Variants in LAMP1 observed in about 807,000 individuals in gnomAD.
LAMP1 encodes lysosome-associated membrane glycoprotein 1.
In LAMP1, 7 loss-of-function variants were observed where a neutral mutation model predicts 37.5. That is an observed-to-expected ratio of 0.19 (90% CI 0.11 to 0.35). The LOEUF (loss-of-function observed/expected upper bound fraction) is 0.35, where lower values mean the gene tolerates loss of function less well. LAMP1 is among the 10% of genes least tolerant of loss of function. LAMP1 has a pLI of 1.00. For missense variants in LAMP1, 537 were observed against 552.8 expected (o/e 0.97, Z 0.29); for synonymous variants, 236 against 229.1 (o/e 1.03, Z -0.27).
chr13:113,322,787 TC>T lies in LAMP1; in HGVS notation c.*367del, dbSNP rs1188258806. The T allele has an allele frequency of 4.9e-5, 2 of 40,812 alleles. No homozygotes were observed. The highest frequency in any genetic ancestry group is 7.4e-5 in the Non-Finnish European group (2 of 26,876). The allele number at this position is 40,812 out of a possible 1,614,324, so 2.5% of individuals were successfully genotyped here. A position where few individuals can be genotyped will look rare whatever the true frequency, so the allele number is the denominator to read the frequency against. On this transcript the variant is annotated 3_prime_UTR_variant, in exon 9 of 9. Transcript: ENST00000332556. ...CTCTGAGGGGGTGGGGGTGCCGCTT[TC>T]TCTGAGGGGGTGGGGGTGCCGCTCT... is the stretch of plus-strand genomic sequence containing the variant.
rs955684556 is a variant in LAMP1 at position 113,323,324 on chromosome 13, C to G, written c.*903C>G. 2.0e-5 allele frequency: 3 copies of G among 152,028 alleles called. No individual in the cohort carries two copies. Among genetic ancestry groups the G allele is most frequent in the African/African-American group, 7.3e-5 (3 of 41,354 alleles). 9.4% of individuals were successfully genotyped at this position (152,028 alleles called of 1,614,324 possible). Reference sequence around the variant, plus strand: ...TTCTGCGCTGTGTACAATGTGAGATCGGTGCGTTCTCCTGATGTTTTGCCG... The same window carrying G: ...TTCTGCGCTGTGTACAATGTGAGATGGGTGCGTTCTCCTGATGTTTTGCCG... On this transcript the variant is annotated 3_prime_UTR_variant, in exon 9 of 9. Transcript: ENST00000332556.
Position 113,320,391 on chromosome 13 carries a change from G to A in LAMP1, c.797G>A (p.Ser266Asn). 6.2e-7 allele frequency: 1 copy of A among 1,613,522 alleles called. No individual in the cohort carries two copies. Among genetic ancestry groups the A allele is most frequent in the Non-Finnish European group, 8.5e-7 (1 of 1,180,016 alleles). ...LNINPNKTSA[S>N]GSCGAHLVTL... ...ATCAACCCCAACAAGACCTCGGCCA[G>A]CGGGAGCTGCGGCGCCCACCTGGTG... The change falls in exon 6 of 9, where the codon AGC (serine) becomes AAC (asparagine). Residue 266 changes from serine (S) to asparagine (N), a missense_variant. Physicochemically the swap from Ser to Asn is conservative, Grantham distance 46. Transcript: ENST00000332556. The surrounding 1 kb of genome is among the most constrained non-coding windows in gnomAD (Gnocchi z 4.4).
intron 1 of LAMP1, among the ~76,000 whole-genome samples, chr13:113,299,273 A>G (rs994150080): frequency 2.8e-5 from 4 of 142,964 alleles, no homozygotes; most frequent in African/African-American, 1.2e-4. Flanking sequence ...TACAATCTTA[A>G]CTTTTTTTTT....
intron 1 of LAMP1, among the ~76,000 whole-genome samples, chr13:113,301,387 G>A (rs1191454134): frequency 3.9e-5 from 6 of 151,930 alleles, no homozygotes; most frequent in Admixed American, 2.0e-4. Context: ...TTGGGAGGCC[G>A]AGGTGGGTGG....
chr13:113,309,356 C>T (rs1306294473), intron 2 of LAMP1, among the ~76,000 whole-genome samples: 1 of 152,194 alleles, frequency 6.6e-6, no homozygotes, highest in Non-Finnish European at 1.5e-5. Flanking sequence ...CCACCTCAGC[C>T]TCCCAGAGTG....
intron 2 of LAMP1, among the ~76,000 whole-genome samples, chr13:113,308,038 G>A (rs537270742): frequency 1.1e-4 from 17 of 150,544 alleles, no homozygotes; most frequent in African/African-American, 4.2e-4. Context: ...CTGAGACAGA[G>A]TTGCACTCTG....
Position 113,322,341 on chromosome 13 carries a change from C to A in LAMP1, c.1174C>A (p.Leu392Met). The A allele has an allele frequency of 6.2e-7, 1 of 1,607,576 alleles. No individual in the cohort carries two copies. ...GATCCCCATCGCTGTGGGTGGTGCC[C>A]TGGCGGGGCTGGTCCTCATCGTCCT... is the stretch of plus-strand genomic sequence containing the variant. ...MLIPIAVGGA[L>M]AGLVLIVLIA... is the part of the protein sequence containing the mutation. Residue 392 changes from leucine to methionine, a missense_variant, in exon 9 of 9, where the codon CTG (leucine) becomes ATG (methionine). Coordinates refer to ENST00000332556, the MANE Select transcript of LAMP1 (RefSeq NM_005561.4).
chr13:113,297,563 G>A lies in LAMP1; in HGVS notation c.61+68G>A. The A allele has an allele frequency of 8.3e-7, 1 of 1,199,114 alleles. No homozygotes were observed. Among genetic ancestry groups the A allele is most frequent in the Non-Finnish European group, 1.0e-6 (1 of 964,018 alleles). 74.3% of individuals were successfully genotyped at this position (1,199,114 alleles called of 1,614,324 possible). On this transcript the variant is annotated intron_variant, in intron 1 of 8. Transcript: ENST00000332556. This position sits in a 1 kb window ranked among gnomAD's most constrained non-coding sequence, Gnocchi z 4.4. ...GGAGCCGAGGTCCCTGGGTCTTGAG[G>A]GCGGGGGACTGCCGGGTCGTTGTCC...
intron 2 of LAMP1, among the ~76,000 whole-genome samples, chr13:113,306,834 CT>C (rs780041684): frequency 0.022 from 1,765 of 79,974 alleles, 12 homozygotes; most frequent in African/African-American, 0.082. Context: ...GAACATTTTC[CT>C]TTTTTTTTTT....
In LAMP1 at chr13:113,297,609, C is replaced by T. The variant is rs1209398047; in HGVS notation, c.61+114C>T. The T allele has an allele frequency of 7.9e-5, 79 of 994,346 alleles. No individual in the cohort carries two copies. The highest frequency in any genetic ancestry group is 9.4e-5 in the Non-Finnish European group (74 of 789,806). The allele number at this position is 994,346 out of a possible 1,614,324, so 61.6% of individuals were successfully genotyped here. On this transcript the variant is annotated intron_variant, in intron 1 of 8. Coordinates refer to ENST00000332556, the MANE Select transcript of LAMP1 (RefSeq NM_005561.4). This position sits in a 1 kb window ranked among gnomAD's most constrained non-coding sequence, Gnocchi z 4.4. ...TGTCCCGCGGGTCGCCCCGCACCCA[C>T]TGCTCCTGGTCCCGGCCGGCTCTGC...
intron 1 of LAMP1, chr13:113,304,977 A>G (rs571689394): frequency 1.3e-5 from 2 of 152,332 alleles, no homozygotes; most frequent in East Asian, 1.9e-4. Flanking sequence ...CTTTATGGAC[A>G]TAGATTTTGG....
intron 4 of LAMP1, among the ~76,000 whole-genome samples, chr13:113,311,237 A>G (rs2042629696): frequency 6.6e-6 from 1 of 152,200 alleles, no homozygotes; most frequent in South Asian, 2.1e-4. Flanking sequence ...TCCGGAAGAC[A>G]GGAGGAATTA....
At position 113,320,162 on chromosome 13, in the gene LAMP1, A is replaced by T. The variant is rs932313952; in HGVS notation, c.751-183A>T. On this transcript the variant is annotated intron_variant, in intron 5 of 8. Coordinates refer to ENST00000332556, the MANE Select transcript of LAMP1 (RefSeq NM_005561.4). The surrounding 1 kb of genome is among the most constrained non-coding windows in gnomAD (Gnocchi z 4.4). ...ACGCTGCACTCCAAGAGCAGCTGTCACGGGGTCAGGGAGAGTCATCTTGGG... is the reference window on the plus strand; with the variant it reads ...ACGCTGCACTCCAAGAGCAGCTGTCTCGGGGTCAGGGAGAGTCATCTTGGG... Among the ~76,000 whole-genome samples, 2 of 152,144 alleles carry T rather than the reference A, an allele frequency of 1.3e-5. No individual in the cohort carries two copies. Among genetic ancestry groups the T allele is most frequent in the African/African-American group, 4.8e-5 (2 of 41,444 alleles).
At chr13:113,319,100 T>C (rs1013686428) in intron 4 of LAMP1, among the ~76,000 whole-genome samples, 37 of 152,242 alleles carry the variant, frequency 2.4e-4, no homozygotes, top group African/African-American at 8.7e-4. Context: ...CACTCCTTCG[T>C]GACAGCGTTC....
rs2042690483 is a variant in LAMP1, at chr13:113,320,274, G to A, written c.751-71G>A. ...ATGTGGCCTTGAATTCACGGTTTCA[G>A]GACTGTTTGTCTTTTCGAGAGTGTG... On this transcript the variant is annotated intron_variant, in intron 5 of 8. Coordinates refer to ENST00000332556, the MANE Select transcript of LAMP1 (RefSeq NM_005561.4). This position sits in a 1 kb window ranked among gnomAD's most constrained non-coding sequence, Gnocchi z 4.4. 1 of 1,585,230 alleles carries A rather than the reference G, an allele frequency of 6.3e-7. No individual in the cohort carries two copies. Among genetic ancestry groups the A allele is most frequent in the East Asian group, 2.2e-5 (1 of 44,616 alleles).
Position 113,322,328 on chromosome 13 carries a change from T to C in LAMP1, c.1161T>C (p.Ala387=), listed in dbSNP as rs752135257. 1 of 1,613,886 alleles carries C rather than the reference T, an allele frequency of 6.2e-7. No individual in the cohort carries two copies. Among genetic ancestry groups the C allele is most frequent in the East Asian group, 2.2e-5 (1 of 44,852 alleles). ...LDENSMLIPI[A]VGGALAGLVL... ...AGAACAGCATGCTGATCCCCATCGC[T>C]GTGGGTGGTGCCCTGGCGGGGCTGG... Residue 387 remains alanine, a synonymous_variant, in exon 9 of 9, where the codon GCT becomes GCC. Transcript: ENST00000332556.
chr13:113,319,662 G>T lies in LAMP1; in HGVS notation c.750+6G>T, dbSNP rs753196309. The T allele has an allele frequency of 1.0e-5, 16 of 1,606,432 alleles. No individual in the cohort carries two copies. In the Admixed American group the frequency reaches 2.0e-4, roughly 20 times the overall value. On this transcript the variant is annotated splice_donor_region_variant and intron_variant, in intron 5 of 8. Coordinates refer to ENST00000332556, the MANE Select transcript of LAMP1 (RefSeq NM_005561.4). ...ATGAGAGGAAGGACAACACGGTAGG[G>T]CTGGGGCCTCACCTGGGAGAGGGGG...
intron 4 of LAMP1, among the ~76,000 whole-genome samples, chr13:113,311,857 G>A (rs956079391): frequency 5.9e-5 from 9 of 152,202 alleles, no homozygotes; most frequent in Non-Finnish European, 1.2e-4. Context: ...TTACTTTTGA[G>A]GAGCTTCTCT....
At chr13:113,304,840 A>T (rs1040513609) in intron 1 of LAMP1, 5 of 152,044 alleles carry the variant, frequency 3.3e-5, no homozygotes, top group Admixed American at 6.6e-5. Flanking sequence ...TATTTTTAGT[A>T]GAGACGAGGT....
Sources: gnomAD v4.1 joint callset for allele counts (sites outside exome capture counted in the v4.1 genomes callset) on GRCh38, gnomAD v4.1.1 for gene constraint, Gnocchi (gnomAD v3.1) non-coding constraint, MANE v1.5 for transcripts, NCBI Gene and HGNC (gene_info 2026-07-23, HGNC 2026-07-21) for gene names.